Variants in DDRGK1 observed in about 807,000 individuals in gnomAD.
The protein encoded by DDRGK1 is DDRGK domain containing 1.
In DDRGK1, 38 loss-of-function variants were observed where a neutral mutation model predicts 45.8. That is an observed-to-expected ratio of 0.83 (90% CI 0.64 to 1.09). The LOEUF (loss-of-function observed/expected upper bound fraction) is 1.09. Ranked by LOEUF, DDRGK1 falls within the 50% of genes least tolerant of loss-of-function variation. The pLI is 0.00. For missense variants in DDRGK1, 403 were observed against 419.9 expected, an observed-to-expected ratio of 0.96 and a Z score of 0.35; for synonymous variants, 171 against 168.7, an observed-to-expected ratio of 1.01 and a Z score of -0.11.
At chr20:3,202,251 G>T (rs2067043655) in intron 2 of DDRGK1, among the ~76,000 whole-genome samples, 1 of 152,184 alleles carries the variant, frequency 6.6e-6, no homozygotes, top group African/African-American at 2.4e-5. Context: ...ACCACGCCCG[G>T]CCCAGAGAGG....
intron 4 of DDRGK1, among the ~76,000 whole-genome samples, chr20:3,198,699 T>TTA (rs2067022562): frequency 2.9e-5 from 1 of 34,892 alleles, no homozygotes; most frequent in African/African-American, 1.5e-4. Flanking sequence ...GAACTCCGTT[T>TTA]CAAAAAAAAA....
At chr20:3,196,818 G>A (rs2067012951) in intron 4 of DDRGK1, among the ~76,000 whole-genome samples, 1 of 152,160 alleles carries the variant, frequency 6.6e-6, no homozygotes, top group Non-Finnish European at 1.5e-5. Flanking sequence ...GGAGCCAACT[G>A]AAAGGGCTCC....
Position 3,194,838 on chromosome 20 carries a change from A to G in DDRGK1, c.664T>C (p.Tyr222His). ...GTTCAGTGGCTTCTTACCTTGATGTAGTTGATGAACTCTGTCAGGAAGCTC... is the reference window on the plus strand; with the variant it reads ...GTTCAGTGGCTTCTTACCTTGATGTGGTTGATGAACTCTGTCAGGAAGCTC... ...SQSFLTEFIN[Y>H]IKQSKVVLLE... Residue 222 changes from tyrosine to histidine, a missense_variant, in exon 6 of 9, where the codon TAC (tyrosine) becomes CAC (histidine). Physicochemically the swap from Tyr to His is moderately conservative, Grantham distance 83. Coordinates refer to ENST00000354488, the MANE Select transcript of DDRGK1 (RefSeq NM_023935.3). The G allele has an allele frequency of 1.9e-6, 3 of 1,614,102 alleles. No individual in the cohort carries two copies. Among genetic ancestry groups the G allele is most frequent in the Non-Finnish European group, 1.7e-6 (2 of 1,179,990 alleles).
At chr20:3,191,389 G>T (rs2122227582) in intron 7 of DDRGK1, 151 bp from the exon 8 acceptor site, 1 of 828,438 alleles carries the variant, frequency 1.2e-6, no homozygotes, top group Non-Finnish European at 2.0e-6. Flanking sequence ...GAAGGGCCCT[G>T]GGTAGAAGGG....
rs1346521455 is a variant in DDRGK1 at position 3,190,806 on chromosome 20, G to A, written c.792C>T (p.Asp264=). 1.2e-6 allele frequency: 2 copies of A among 1,612,464 alleles called. No homozygotes were observed. The highest frequency in any genetic ancestry group is 2.7e-5 in the African/African-American group (2 of 74,932). The part of the protein sequence containing the change: ...AEGTITGVID[D]RGKFIYITPE... ...GGGTTATGTAGATGAACTTGCCCCGGTCGTCAATCACACCTGTGGGGACAT... is the reference window on the plus strand; with the variant it reads ...GGGTTATGTAGATGAACTTGCCCCGATCGTCAATCACACCTGTGGGGACAT... Residue 264 remains aspartate, a synonymous_variant, in exon 9 of 9, where the codon GAC becomes GAT. Coordinates refer to ENST00000354488, the MANE Select transcript of DDRGK1 (RefSeq NM_023935.3).
chr20:3,202,937 G>T (rs1270288094), intron 2 of DDRGK1, among the ~76,000 whole-genome samples: 24 of 152,284 alleles, frequency 1.6e-4, no homozygotes, highest in Non-Finnish European at 2.9e-5. Context: ...ATAACAGGAA[G>T]GGTGCGAGGA....
chr20:3,193,484 C>T (rs954393355), intron 6 of DDRGK1, among the ~76,000 whole-genome samples: 12 of 152,172 alleles, frequency 7.9e-5, no homozygotes, highest in African/African-American at 2.9e-4. Flanking sequence ...GATTCTCCTG[C>T]CTCAGCCTCC....
intron 4 of DDRGK1, among the ~76,000 whole-genome samples, chr20:3,198,718 AAC>A (rs1200807042): frequency 1.4e-5 from 2 of 144,660 alleles, no homozygotes; most frequent in South Asian, 2.2e-4. Context: ...AAAAAAAAAA[AAC>A]AAAACAGAAA....
chr20:3,204,379 C>T (rs2067055975), intron 1 of DDRGK1, among the ~76,000 whole-genome samples, 158 bp downstream of exon 1: 1 of 152,112 alleles, frequency 6.6e-6, no homozygotes, highest in Non-Finnish European at 1.5e-5. Context: ...AGGTAGGGCA[C>T]TGCGGAAGCC....
Position 3,190,472 on chromosome 20 carries a change from A to G in DDRGK1, c.*181T>C, listed in dbSNP as rs2066984563. The G allele has an allele frequency of 2.8e-6, 2 of 721,648 alleles. No homozygotes were observed. The highest frequency in any genetic ancestry group is 5.4e-5 in the East Asian group (2 of 36,970). The allele number at this position is 721,648 out of a possible 1,614,324, so 44.7% of individuals were successfully genotyped here. ...TCTGAAGCCTAAATTTCACCTGCTT[A>G]TCTAGGATCCTAGGCCAGGCCTTCT... On this transcript the variant is annotated 3_prime_UTR_variant, in exon 9 of 9. Transcript: ENST00000354488.
At chr20:3,194,140 A>T (rs1050351064) in intron 6 of DDRGK1, among the ~76,000 whole-genome samples, 20 of 152,060 alleles carry the variant, frequency 1.3e-4, no homozygotes, top group Admixed American at 1.2e-3. Context: ...TGGCGGGAGG[A>T]TTATGCAAGC....
chr20:3,190,921 G>A (rs1315881360), intron 8 of DDRGK1, 102 bp from the exon 9 acceptor site: 11 of 1,469,074 alleles, frequency 7.5e-6, no homozygotes, highest in African/African-American at 1.4e-5. Flanking sequence ...GGGCCCTTCC[G>A]GCCTCCTGCC....
At position 3,200,579 on chromosome 20, in the gene DDRGK1, G is replaced by T; in HGVS notation, c.296-125C>A. 4.0e-6 allele frequency: 3 copies of T among 753,958 alleles called. 1 individual carries two copies. Among genetic ancestry groups the T allele is most frequent in the South Asian group, 3.4e-5 (2 of 58,328 alleles). 46.7% of individuals were successfully genotyped at this position (753,958 alleles called of 1,614,324 possible). On this transcript the variant is annotated intron_variant, in intron 2 of 8. Coordinates refer to ENST00000354488, the MANE Select transcript of DDRGK1 (RefSeq NM_023935.3). The stretch of plus-strand genomic sequence containing the variant: ...TTCCACCCACCTGCAAATGTCACTA[G>T]CCCAGCTCTGCCCTCCAGAGGCATC...
intron 5 of DDRGK1, 134 bp from the exon 6 acceptor site, chr20:3,195,002 C>T (rs2067004055): frequency 2.2e-6 from 3 of 1,343,784 alleles, no homozygotes; most frequent in Non-Finnish European, 3.1e-6. Flanking sequence ...CAACCACCTG[C>T]ACATACCGCT....
At chr20:3,204,440 G>A in intron 1 of DDRGK1, 97 bp downstream of exon 1, 5 of 1,296,824 alleles carry the variant, frequency 3.9e-6, no homozygotes, top group Non-Finnish European at 5.3e-6. Flanking sequence ...CGCCCGCCCA[G>A]GTGCGCACGC....
At chr20:3,204,395 C>A (rs111988598) in intron 1 of DDRGK1, 142 bp downstream of exon 1, 6 of 813,562 alleles carry the variant, frequency 7.4e-6, no homozygotes, top group African/African-American at 5.2e-5. Context: ...AAGCCCCACC[C>A]GGCACACGAC....
At chr20:3,191,899 C>T (rs2066990923) in intron 6 of DDRGK1, 78 bp from the exon 7 acceptor site, 1 of 1,444,476 alleles carries the variant, frequency 6.9e-7, no homozygotes, top group Non-Finnish European at 9.4e-7. Context: ...TCCAGGTTTG[C>T]ATTCTGATCT....
At position 3,195,487 on chromosome 20, in the gene DDRGK1, C is replaced by A. The variant is rs148650011; in HGVS notation, c.511-134G>T. 9.7e-4 allele frequency: 1,243 copies of A among 1,276,456 alleles called. 5 individuals carry two copies. In the African/African-American group the frequency reaches 0.014, roughly 15 times the overall value. The allele number at this position is 1,276,456 out of a possible 1,614,324, so 79.1% of individuals were successfully genotyped here. On this transcript the variant is annotated intron_variant, in intron 4 of 8. Coordinates refer to ENST00000354488, the MANE Select transcript of DDRGK1 (RefSeq NM_023935.3). ...CTCAGAGACAGAGCTCCTTCAGGAC[C>A]CCCATTTCTCCATTCCCCCAAGCTG...
At chr20:3,193,157 T>G (rs541554316) in intron 6 of DDRGK1, among the ~76,000 whole-genome samples, 62 of 152,128 alleles carry the variant, frequency 4.1e-4, no homozygotes, top group Non-Finnish European at 6.0e-4. Flanking sequence ...CCAGCCATGG[T>G]CAGACAGGAG....
Sources: gnomAD v4.1 joint callset for allele counts (sites outside exome capture counted in the v4.1 genomes callset) on GRCh38, gnomAD v4.1.1 for gene constraint, MANE v1.5 for transcripts, NCBI Gene and HGNC (gene_info 2026-07-23, HGNC 2026-07-21) for gene names.